The following SYNRG variants were observed in gnomAD, a reference collection of about 807,000 sequenced individuals.
SYNRG encodes synergin gamma, also known as AP1 gamma subunit binding protein 1.
In SYNRG, 37 loss-of-function variants were observed where a neutral mutation model predicts 130.9. That is an observed-to-expected ratio of 0.28 (90% CI 0.22 to 0.37). The LOEUF is 0.37. Among genes scored for constraint, SYNRG ranks in the 10% least tolerant of loss-of-function variants. SYNRG has a pLI of 1.00. For missense variants in SYNRG, 1,338 were observed against 1,588.9 expected, an observed-to-expected ratio of 0.84 and a Z score of 2.68; for synonymous variants, 539 against 568.1, an observed-to-expected ratio of 0.95 and a Z score of 0.73.
At position 37,553,342 on chromosome 17, in the gene SYNRG, C is replaced by T. The variant is rs1485721744; in HGVS notation, c.2381G>A (p.Gly794Glu). The T allele has an allele frequency of 2.5e-6, 4 of 1,614,214 alleles. No individual in the cohort carries two copies. The highest frequency in any genetic ancestry group is 3.4e-6 in the Non-Finnish European group (4 of 1,180,040). ...FSSINSDKSL[G>E]EKAVAFRHTK... ...GTGTCTGAAAGCCACTGCTTTCTCT[C>T]CCAGGGATTTGTCCGAGTTTATGGA... Residue 794 changes from glycine to glutamate, a missense_variant, in exon 14 of 22, where the codon GGA becomes GAA. By Grantham distance (98) the Gly-to-Glu change is moderately conservative (BLOSUM62 -2). Coordinates refer to ENST00000612223, the MANE Select transcript of SYNRG (RefSeq NM_007247.6).
At chr17:37,600,285 T>C in intron 2 of SYNRG, 78 bp downstream of exon 2, 1 of 1,325,124 alleles carries the variant, frequency 7.5e-7, no homozygotes, top group East Asian at 2.4e-5. Context: ...GAACTTATTT[T>C]CTATTTACTT....
intron 19 of SYNRG, among the ~76,000 whole-genome samples, chr17:37,523,963 A>G (rs1301191772): frequency 6.6e-6 from 1 of 152,238 alleles, no homozygotes; most frequent in Non-Finnish European, 1.5e-5. Context: ...GAAGAGTGAG[A>G]CAACGGGAGG....
At chr17:37,530,124 C>A (rs1450974829) in intron 19 of SYNRG, among the ~76,000 whole-genome samples, 1 of 152,126 alleles carries the variant, frequency 6.6e-6, no homozygotes, top group Non-Finnish European at 1.5e-5. Context: ...ACCCACTCCC[C>A]CCGACAAAAA....
intron 8 of SYNRG, among the ~76,000 whole-genome samples, chr17:37,573,912 G>T (rs1372816997): frequency 1.3e-5 from 2 of 151,990 alleles, no homozygotes; most frequent in African/African-American, 4.8e-5. Flanking sequence ...AATTTATATG[G>T]TACCACAAAG....
chr17:37,564,897 T>C (rs1227931117), intron 11 of SYNRG, among the ~76,000 whole-genome samples: 6 of 152,226 alleles, frequency 3.9e-5, no homozygotes, highest in Non-Finnish European at 8.8e-5. Context: ...GTGTCTGGCA[T>C]ATAGCAAATG....
In SYNRG at chr17:37,565,913, G is replaced by C. The variant is rs1448398764; in HGVS notation, c.1481+2878C>G. 5.5e-5 allele frequency among the ~76,000 whole-genome samples: 8 copies of C among 144,916 alleles called. No homozygotes were observed. In the East Asian group the frequency reaches 1.4e-3, roughly 25 times the overall value. On this transcript the variant is annotated intron_variant, in intron 11 of 21. Transcript: ENST00000612223. Reference sequence around the variant, plus strand: ...CAGCCACCCCGTCCGGGAGGGAGGTGGGGGGGTCAGCCCCCTGCCCGGCCA... The same window carrying C: ...CAGCCACCCCGTCCGGGAGGGAGGTCGGGGGGTCAGCCCCCTGCCCGGCCA...
At chr17:37,539,419 T>C (rs983707802) in intron 16 of SYNRG, among the ~76,000 whole-genome samples, 174 bp from the exon 17 acceptor site, 1 of 152,224 alleles carries the variant, frequency 6.6e-6, no homozygotes, top group Non-Finnish European at 1.5e-5. Context: ...TCTTGCTCTG[T>C]TGCCCAGGCT....
At chr17:37,605,952 T>C in intron 1 of SYNRG, 1 of 985,434 alleles carries the variant, frequency 1.0e-6, no homozygotes, top group South Asian at 4.7e-5. Context: ...GACTCTGGTT[T>C]CTAATTCATC....
At position 37,516,686 on chromosome 17, in the gene SYNRG, CAG is replaced by C. The variant is rs905073815; in HGVS notation, c.*2252_*2253del. 1 of 144,430 alleles carries C rather than the reference CAG, an allele frequency of 6.9e-6. No homozygotes were observed. The highest frequency in any genetic ancestry group is 1.5e-5 in the Non-Finnish European group (1 of 66,654). The allele number at this position is 144,430 out of a possible 1,614,324, so 8.9% of individuals were successfully genotyped here. On this transcript the variant is annotated 3_prime_UTR_variant, in exon 22 of 22. Coordinates refer to ENST00000612223, the MANE Select transcript of SYNRG (RefSeq NM_007247.6). ...CTTTTTTTTTTTTTTTTTTAAGAGACAGTGTCTCGCTCTGTCATCACCTACGC... is the reference window on the plus strand; with the variant it reads ...CTTTTTTTTTTTTTTTTTTAAGAGACTGTCTCGCTCTGTCATCACCTACGC...
chr17:37,571,134 T>G (rs1863174078), intron 9 of SYNRG, among the ~76,000 whole-genome samples: 1 of 152,186 alleles, frequency 6.6e-6, no homozygotes, highest in South Asian at 2.1e-4. Flanking sequence ...TTCTATATGA[T>G]CAAATCATTT....
intron 11 of SYNRG, among the ~76,000 whole-genome samples, chr17:37,562,747 C>T (rs1167701876): frequency 1.3e-5 from 2 of 152,028 alleles, no homozygotes; most frequent in Non-Finnish European, 2.9e-5. Flanking sequence ...ATCACCTATA[C>T]ATTGTAAGTG....
chr17:37,548,837 A>C (rs1348025465), intron 14 of SYNRG, among the ~76,000 whole-genome samples: 1 of 148,362 alleles, frequency 6.7e-6, no homozygotes, highest in Non-Finnish European at 1.5e-5. Context: ...AAAAAAAAAA[A>C]AAAAAACACA....
intron 1 of SYNRG, among the ~76,000 whole-genome samples, chr17:37,604,357 CTT>C (rs1260636082): frequency 6.6e-6 from 1 of 152,096 alleles, no homozygotes; most frequent in Non-Finnish European, 1.5e-5. Context: ...TCACCTTGTA[CTT>C]TTTTGTTATG....
intron 6 of SYNRG, among the ~76,000 whole-genome samples, chr17:37,581,776 T>A (rs1209192361): frequency 6.7e-6 from 1 of 149,730 alleles, no homozygotes; most frequent in Non-Finnish European, 1.5e-5. Flanking sequence ...TTTTTTTTTT[T>A]TTTTTTGAGA....
At position 37,525,742 on chromosome 17, in the gene SYNRG, C is replaced by T. The variant is rs9907188; in HGVS notation, c.3667-5094G>A. 7.3e-3 allele frequency among the ~76,000 whole-genome samples: 1,118 copies of T among 152,146 alleles called. 14 individuals carry two copies. Among genetic ancestry groups the T allele is most frequent in the African/African-American group, 0.024 (1,011 of 41,504 alleles). On this transcript the variant is annotated intron_variant, in intron 19 of 21. Coordinates refer to ENST00000612223, the MANE Select transcript of SYNRG (RefSeq NM_007247.6). ...CAGCACTTTGGGAGGCCAAGGCGGG[C>T]GGATCACGAGGTCAGGCTTTGGAGA...
intron 3 of SYNRG, among the ~76,000 whole-genome samples, chr17:37,594,543 A>G (rs1224037063): frequency 1.3e-5 from 2 of 150,794 alleles, no homozygotes; most frequent in East Asian, 3.9e-4. Flanking sequence ...GCTCACTGCA[A>G]CCTCTGCCTC....
intron 19 of SYNRG, among the ~76,000 whole-genome samples, chr17:37,523,286 T>G (rs2055375785): frequency 6.6e-6 from 1 of 152,006 alleles, no homozygotes; most frequent in African/African-American, 2.4e-5. Flanking sequence ...CTCAGCCTCC[T>G]GAGTAGCTGG....
chr17:37,520,766 C>T (rs1318338628), intron 19 of SYNRG, 118 bp from the exon 20 acceptor site: 1 of 761,616 alleles, frequency 1.3e-6, no homozygotes, highest in East Asian at 2.6e-5. Context: ...CTAACACCAC[C>T]ACTACAAGAA....
intron 18 of SYNRG, among the ~76,000 whole-genome samples, chr17:37,537,747 G>A (rs745697760): frequency 6.6e-5 from 10 of 152,216 alleles, no homozygotes; most frequent in Non-Finnish European, 1.2e-4. Context: ...AGGGAGAGAC[G>A]ATACTCTTTG....
Sources: gnomAD v4.1 joint callset for allele counts (sites outside exome capture counted in the v4.1 genomes callset) on GRCh38, gnomAD v4.1.1 for gene constraint, MANE v1.5 for transcripts, NCBI Gene and HGNC (gene_info 2026-07-23, HGNC 2026-07-21) for gene names.